Variants in GRID2 observed in about 807,000 individuals in gnomAD.
The protein encoded by GRID2 is glutamate ionotropic receptor delta type subunit 2, also known as glutamate receptor ionotropic, delta-2.
In GRID2, 33 loss-of-function variants were observed where a neutral mutation model predicts 114.8. That is an observed-to-expected ratio of 0.29 (90% confidence interval 0.22 to 0.38). The LOEUF (loss-of-function observed/expected upper bound fraction) is 0.38, where lower values mean the gene tolerates loss of function less well. Ranked by LOEUF, GRID2 falls within the 10% of genes least tolerant of loss-of-function variation. GRID2 has a pLI of 1.00. For missense variants in GRID2, 1,184 were observed against 1,257.7 expected (o/e 0.94, Z 0.89); for synonymous variants, 505 against 449.9 (o/e 1.12, Z -1.55).
intron 2 of GRID2, among the ~76,000 whole-genome samples, chr4:92,993,485 A>G (rs1755025539): frequency 6.6e-6 from 1 of 152,188 alleles, no homozygotes; most frequent in Non-Finnish European, 1.5e-5. Flanking sequence ...AGGGAATACA[A>G]AATTTTTCAA....
intron 13 of GRID2, among the ~76,000 whole-genome samples, chr4:93,567,464 A>G (rs1167393880): frequency 1.1e-4 from 17 of 152,218 alleles, no homozygotes; most frequent in Non-Finnish European, 8.8e-5. Context: ...TAATTTTACA[A>G]ATACTAAAAT....
At chr4:93,063,102 C>T (rs1296985626) in intron 2 of GRID2, among the ~76,000 whole-genome samples, 1 of 151,784 alleles carries the variant, frequency 6.6e-6, no homozygotes, top group Non-Finnish European at 1.5e-5. Flanking sequence ...TTCTTACACT[C>T]TCTTTATTTT....
chr4:92,738,142 T>C (rs930846626), intron 2 of GRID2, among the ~76,000 whole-genome samples: 4 of 152,164 alleles, frequency 2.6e-5, no homozygotes, highest in African/African-American at 9.6e-5. Flanking sequence ...TGGTATCTCA[T>C]TGTGGTTTTG....
intron 13 of GRID2, among the ~76,000 whole-genome samples, chr4:93,580,237 C>G (rs972542491): frequency 4.6e-5 from 7 of 152,170 alleles, no homozygotes; most frequent in Non-Finnish European, 8.8e-5. Context: ...AGACATTATG[C>G]AGCCATATCA....
chr4:92,385,803 ATAAT>A (rs1486574953), intron 1 of GRID2, among the ~76,000 whole-genome samples: 3 of 151,146 alleles, frequency 2.0e-5, no homozygotes, highest in Non-Finnish European at 4.4e-5. Flanking sequence ...CAATTATGAA[ATAAT>A]TAAGTTATTT....
At chr4:92,930,251 A>G (rs1750125664) in intron 2 of GRID2, among the ~76,000 whole-genome samples, 1 of 151,356 alleles carries the variant, frequency 6.6e-6, no homozygotes, top group Non-Finnish European at 1.5e-5. Flanking sequence ...CATAGCTTAG[A>G]GATTTTTCTA....
At chr4:92,685,534 A>G (rs1201465595) in intron 2 of GRID2, among the ~76,000 whole-genome samples, 2 of 152,112 alleles carry the variant, frequency 1.3e-5, no homozygotes, top group Non-Finnish European at 2.9e-5. Context: ...TTAATCTCAT[A>G]TGAGTTAACA....
chr4:93,395,372 C>T (rs914159094), intron 8 of GRID2, among the ~76,000 whole-genome samples: 3 of 151,964 alleles, frequency 2.0e-5, no homozygotes, highest in African/African-American at 2.4e-5. Flanking sequence ...AGTAAAATGT[C>T]CTCAATGAGC....
chr4:93,373,467 A>T (rs1295062776), intron 8 of GRID2, among the ~76,000 whole-genome samples: 2 of 152,124 alleles, frequency 1.3e-5, no homozygotes, highest in African/African-American at 4.8e-5. Context: ...CTTACTACTG[A>T]TTATCTTATT....
intron 1 of GRID2, among the ~76,000 whole-genome samples, chr4:92,387,080 G>A (rs1259711122): frequency 1.3e-5 from 2 of 151,896 alleles, no homozygotes; most frequent in Non-Finnish European, 1.5e-5. Flanking sequence ...ATGGTCCGAA[G>A]CTGTTTAAAC....
chr4:92,523,701 T>A (rs1157306634), intron 1 of GRID2, among the ~76,000 whole-genome samples: 1 of 151,932 alleles, frequency 6.6e-6, no homozygotes, highest in Non-Finnish European at 1.5e-5. Flanking sequence ...GTGATAGTTG[T>A]GATAGCAGGT....
At chr4:92,971,825 T>C (rs1479934798) in intron 2 of GRID2, among the ~76,000 whole-genome samples, 1 of 152,096 alleles carries the variant, frequency 6.6e-6, no homozygotes, top group Non-Finnish European at 1.5e-5. Flanking sequence ...ATTTCACTTA[T>C]ATAATGTCCT....
intron 2 of GRID2, among the ~76,000 whole-genome samples, chr4:92,648,657 C>A (rs115859860): frequency 6.7e-6 from 1 of 148,774 alleles, no homozygotes; most frequent in South Asian, 2.1e-4. Context: ...GTCAAACAAG[C>A]GGTTGATAAA....
chr4:92,822,262 T>G, intron 2 of GRID2: 7 of 571,946 alleles, frequency 1.2e-5, no homozygotes, highest in Non-Finnish European at 1.7e-5. Flanking sequence ...TTGCCTTTGT[T>G]GAGATCGCAT....
intron 1 of GRID2, among the ~76,000 whole-genome samples, chr4:92,583,386 C>G (rs909863317): frequency 6.6e-6 from 1 of 151,994 alleles, no homozygotes; most frequent in African/African-American, 2.4e-5. Flanking sequence ...CCAGCACCTC[C>G]TTTCCAACAA....
At chr4:92,677,731 A>G (rs1011909971) in intron 2 of GRID2, among the ~76,000 whole-genome samples, 3 of 152,018 alleles carry the variant, frequency 2.0e-5, no homozygotes, top group Non-Finnish European at 4.4e-5. Flanking sequence ...TCTATTTTCT[A>G]TTATCCAGGA....
intron 2 of GRID2, among the ~76,000 whole-genome samples, chr4:92,953,334 A>G (rs1752159547): frequency 1.3e-5 from 2 of 152,176 alleles, no homozygotes; most frequent in Non-Finnish European, 1.5e-5. Flanking sequence ...TGTTTTCATT[A>G]TAAAGATTAC....
In GRID2 at chr4:92,341,337, C is replaced by T. The variant is rs545341984; in HGVS notation, c.88+36593C>T. On this transcript the variant is annotated intron_variant, in intron 1 of 15. Coordinates refer to ENST00000282020, the MANE Select transcript of GRID2 (RefSeq NM_001510.4). ...AATGTGTCCTACCTAATGTGGATCACTTGCTAGTTTAGATTCCTACAGCAA... is the reference window on the plus strand; with the variant it reads ...AATGTGTCCTACCTAATGTGGATCATTTGCTAGTTTAGATTCCTACAGCAA... 2.0e-5 allele frequency among the ~76,000 whole-genome samples: 3 copies of T among 152,242 alleles called. No homozygotes were observed. In the East Asian group the frequency reaches 5.8e-4, roughly 29 times the overall value.
At chr4:93,677,478 C>T (rs1372909624) in intron 14 of GRID2, among the ~76,000 whole-genome samples, 1 of 152,200 alleles carries the variant, frequency 6.6e-6, no homozygotes. Flanking sequence ...ACTGCCTCCT[C>T]AAGTGGGTCC....
Sources: gnomAD v4.1 joint callset for allele counts (sites outside exome capture counted in the v4.1 genomes callset) on GRCh38, gnomAD v4.1.1 for gene constraint, MANE v1.5 for transcripts, NCBI Gene and HGNC (gene_info 2026-07-23, HGNC 2026-07-21) for gene names.